The following NEGR1 variants were observed in gnomAD, a reference collection of about 807,000 sequenced individuals.
The protein encoded by NEGR1 is neuronal growth regulator 1, also known as IgLON family member 4.
In NEGR1, 10 loss-of-function variants were observed where a neutral mutation model predicts 40.9. The ratio of observed to expected loss-of-function variants is 0.24; its 90% CI spans 0.15 to 0.42. The LOEUF (loss-of-function observed/expected upper bound fraction) is 0.42. Ranked by LOEUF, NEGR1 falls within the 10% of genes least tolerant of loss-of-function variation. NEGR1 has a pLI of 1.00. For synonymous variants in NEGR1, 185 were observed against 166.8 expected (o/e 1.11, Z -0.84); for missense variants, 352 against 438.9 (o/e 0.80, Z 1.77).
At chr1:71,551,973 C>T (rs904056667) in intron 6 of NEGR1, among the ~76,000 whole-genome samples, 10 of 151,290 alleles carry the variant, frequency 6.6e-5, no homozygotes, top group Non-Finnish European at 1.2e-4. Context: ...TTAGAATACG[C>T]TATATATTGA....
At chr1:71,537,457 T>C (rs1647548063) in intron 6 of NEGR1, among the ~76,000 whole-genome samples, 1 of 151,736 alleles carries the variant, frequency 6.6e-6, no homozygotes, top group African/African-American at 2.4e-5. Flanking sequence ...AGGTACCTAA[T>C]AAGTGAGTAG....
At chr1:71,830,840 A>T (rs1658814502) in intron 2 of NEGR1, among the ~76,000 whole-genome samples, 1 of 151,910 alleles carries the variant, frequency 6.6e-6, no homozygotes, top group Non-Finnish European at 1.5e-5. Context: ...ACATGCCATA[A>T]ATATTAGTAT....
intron 6 of NEGR1, among the ~76,000 whole-genome samples, chr1:71,547,544 G>T (rs1251274582): frequency 6.6e-6 from 1 of 151,648 alleles, no homozygotes; most frequent in Non-Finnish European, 1.5e-5. Flanking sequence ...GCCCACCAAA[G>T]AAACAGAATA....
rs564701860 is a variant in NEGR1, at chr1:71,522,965, G to A, written c.940+69852C>T. 7.9e-5 allele frequency among the ~76,000 whole-genome samples: 12 copies of A among 151,886 alleles called. No homozygotes were observed. The South Asian group carries it at 1.5e-3, about 18-fold the overall frequency. On this transcript the variant is annotated intron_variant, in intron 6 of 6. Coordinates refer to ENST00000357731, the MANE Select transcript of NEGR1 (RefSeq NM_173808.3). ...AAAGTCCTCTTGGCCTTATGCCCAC[G>A]AGCCAGCCAATGGTCTTTTGAAAAC...
At chr1:72,226,058 G>A (rs17092475) in intron 1 of NEGR1, among the ~76,000 whole-genome samples, 10 of 151,680 alleles carry the variant, frequency 6.6e-5, no homozygotes, top group South Asian at 2.1e-4. Flanking sequence ...CACTGTAATC[G>A]AAATAGCCAT....
At chr1:71,904,815 G>A (rs188929129) in intron 2 of NEGR1, among the ~76,000 whole-genome samples, 7 of 152,192 alleles carry the variant, frequency 4.6e-5, no homozygotes, top group Admixed American at 4.6e-4. Context: ...TACTATTGAT[G>A]CACACATTTC....
At chr1:72,207,377 T>C (rs949954827) in intron 1 of NEGR1, among the ~76,000 whole-genome samples, 1 of 151,810 alleles carries the variant, frequency 6.6e-6, no homozygotes, top group African/African-American at 2.4e-5. Context: ...GGGCAATGTA[T>C]GTGCTCTCAC....
intron 5 of NEGR1, among the ~76,000 whole-genome samples, chr1:71,610,073 T>G (rs1320531987): frequency 1.3e-5 from 2 of 152,236 alleles, no homozygotes; most frequent in African/African-American, 4.8e-5. Context: ...CATGTGGAAC[T>G]GTGAGTCAAT....
chr1:72,261,502 T>A (rs953498072), intron 1 of NEGR1, among the ~76,000 whole-genome samples: 2 of 152,132 alleles, frequency 1.3e-5, no homozygotes, highest in African/African-American at 4.8e-5. Context: ...AAAATGGATA[T>A]TTAACATTGT....
At chr1:71,818,867 G>T (rs1165293965) in intron 2 of NEGR1, among the ~76,000 whole-genome samples, 1 of 151,780 alleles carries the variant, frequency 6.6e-6, no homozygotes, top group Non-Finnish European at 1.5e-5. Context: ...AACAAAAAAT[G>T]TTTTGTTTTG....
intron 2 of NEGR1, among the ~76,000 whole-genome samples, chr1:71,897,694 A>G (rs1405784400): frequency 6.6e-6 from 1 of 152,174 alleles, no homozygotes; most frequent in Non-Finnish European, 1.5e-5. Context: ...AGATGATTCC[A>G]CAATAAAGGC....
chr1:72,174,395 A>G (rs746245868), intron 1 of NEGR1, among the ~76,000 whole-genome samples: 2 of 152,316 alleles, frequency 1.3e-5, no homozygotes, highest in African/African-American at 2.4e-5. Context: ...TGGAGATTCT[A>G]TATGTTTGGA....
chr1:71,551,743 T>C lies in NEGR1; in HGVS notation c.940+41074A>G, dbSNP rs140764593. 3.2e-3 allele frequency among the ~76,000 whole-genome samples: 488 copies of C among 151,640 alleles called. 5 individuals are homozygous for C. The South Asian group carries it at 0.037, about 12-fold the overall frequency. ...TGCACAGAGACTCCAATTGATGTGATTTTATACCTGATATAAAGTCCATTG... is the reference window on the plus strand; with the variant it reads ...TGCACAGAGACTCCAATTGATGTGACTTTATACCTGATATAAAGTCCATTG... On this transcript the variant is annotated intron_variant, in intron 6 of 6. Coordinates refer to ENST00000357731, the MANE Select transcript of NEGR1 (RefSeq NM_173808.3).
rs193059401 is a variant in NEGR1, at chr1:71,853,296, C to T, written c.410-76999G>A. 2.6e-3 allele frequency among the ~76,000 whole-genome samples: 396 copies of T among 152,046 alleles called. 1 individual carries two copies. Among genetic ancestry groups the T allele is most frequent in the Non-Finnish European group, 4.1e-3 (279 of 67,932 alleles). On this transcript the variant is annotated intron_variant, in intron 2 of 6. Coordinates refer to ENST00000357731, the MANE Select transcript of NEGR1 (RefSeq NM_173808.3). ...GCTACAATTAAAAGGTAATAATTTG[C>T]CATTTTCAAATATACAGCATAATAA...
At chr1:71,636,930 C>T (rs186621160) in intron 4 of NEGR1, among the ~76,000 whole-genome samples, 1 of 152,056 alleles carries the variant, frequency 6.6e-6, no homozygotes, top group African/African-American at 2.4e-5. Context: ...ACGGGAAAGA[C>T]TGGGGTAAAT....
chr1:71,848,293 C>T (rs72931716), intron 2 of NEGR1, among the ~76,000 whole-genome samples: 205 of 152,276 alleles, frequency 1.3e-3, no homozygotes, highest in African/African-American at 4.7e-3. Context: ...GAGATGGCTA[C>T]ACCAAACAAC....
rs1242129983 is a variant in NEGR1, at chr1:72,039,310, G to A, written c.177-103999C>T. Among the ~76,000 whole-genome samples, 4 of 152,082 alleles carry A rather than the reference G, an allele frequency of 2.6e-5. No individual in the cohort carries two copies. In the South Asian group the frequency reaches 8.3e-4, roughly 31 times the overall value. ...TGAAATTTCTGATCAGGTACATGAT[G>A]TGGGCATATAAGTGTTTCAAAATTA... On this transcript the variant is annotated intron_variant, in intron 1 of 6. Coordinates refer to ENST00000357731, the MANE Select transcript of NEGR1 (RefSeq NM_173808.3).
chr1:72,135,925 A>G (rs1392177535), intron 1 of NEGR1, among the ~76,000 whole-genome samples: 1 of 152,232 alleles, frequency 6.6e-6, no homozygotes, highest in African/African-American at 2.4e-5. Flanking sequence ...GATTTGCCTT[A>G]GTGTTGGAGA....
chr1:71,903,063 G>A (rs1303743909), intron 2 of NEGR1, among the ~76,000 whole-genome samples: 1 of 151,060 alleles, frequency 6.6e-6, no homozygotes, highest in South Asian at 2.1e-4. Context: ...TTATCATAGG[G>A]ATTTTTAGAT....
Sources: allele counts gnomAD v4.1 joint callset (sites outside exome capture counted in the v4.1 genomes callset), GRCh38; gene constraint gnomAD v4.1.1; transcripts MANE v1.5; gene names NCBI Gene and HGNC (gene_info 2026-07-23, HGNC 2026-07-21).